Variants in TRIB1 observed in about 807,000 individuals in gnomAD.
The protein encoded by TRIB1 is tribbles pseudokinase 1.
TRIB1 carries 12 observed loss-of-function variants against 27.8 expected under a neutral mutation model. The observed-to-expected ratio is 0.43, with a 90% CI of 0.28 to 0.70. The LOEUF is 0.70. Ranked by LOEUF, TRIB1 falls within the 30% of genes least tolerant of loss-of-function variation. The probability of loss-of-function intolerance (pLI) is 0.18; values close to 1 mark genes in which losing one functional copy is unlikely to be tolerated. For missense variants in TRIB1, 475 were observed against 515.8 expected, an observed-to-expected ratio of 0.92 and a Z score of 0.77; for synonymous variants, 230 against 224.9, an observed-to-expected ratio of 1.02 and a Z score of -0.20.
At chr8:125,435,887 G>A in intron 2 of TRIB1, 119 bp from the exon 3 acceptor site, 1 of 802,730 alleles carries the variant, frequency 1.2e-6, no homozygotes, top group South Asian at 1.8e-5. Context: ...ACTGGACGAA[G>A]GGGTAAATAG....
intron 2 of TRIB1, among the ~76,000 whole-genome samples, chr8:125,434,769 T>C (rs960724383): frequency 6.6e-6 from 1 of 152,140 alleles, no homozygotes; most frequent in African/African-American, 2.4e-5. Flanking sequence ...GTGCAGGGTT[T>C]TAGTGCTGTA....
At chr8:125,434,175 A>G (rs531612789) in intron 2 of TRIB1, among the ~76,000 whole-genome samples, 1 of 152,286 alleles carries the variant, frequency 6.6e-6, no homozygotes, top group African/African-American at 2.4e-5. Context: ...TGAATAGTAA[A>G]TGGAAGTTGG....
chr8:125,433,682 C>CTG lies in TRIB1; in HGVS notation c.653+79_653+80dup. 6.5e-7 allele frequency: 1 copy of CTG among 1,530,404 alleles called. No homozygotes were observed. The highest frequency in any genetic ancestry group is 8.8e-7 in the Non-Finnish European group (1 of 1,131,384). 94.8% of individuals were successfully genotyped at this position (1,530,404 alleles called of 1,614,324 possible). A position where few individuals can be genotyped will look rare whatever the true frequency, so the allele number is the denominator to read the frequency against. ...GAGGTGCAGGTCATGTAGTTAGGTG[C>CTG]TGTGTGTTGGTGCAAAACAAAGTCA... On this transcript the variant is annotated intron_variant, in intron 2 of 2. Coordinates refer to ENST00000311922, the MANE Select transcript of TRIB1 (RefSeq NM_025195.4). The surrounding 1 kb of genome is among the most constrained non-coding windows in gnomAD (Gnocchi z 4.4).
chr8:125,436,529 A>G lies in TRIB1; in HGVS notation c.*58A>G. On this transcript the variant is annotated 3_prime_UTR_variant, in exon 3 of 3. Coordinates refer to ENST00000311922, the MANE Select transcript of TRIB1 (RefSeq NM_025195.4). Reference sequence around the variant, plus strand: ...ACACCTGGCATTTCCATTTCTAAAGATGGACAGGCCCTTTGGCGTGGTACC... The same window carrying G: ...ACACCTGGCATTTCCATTTCTAAAGGTGGACAGGCCCTTTGGCGTGGTACC... The G allele has an allele frequency of 1.3e-6, 2 of 1,549,296 alleles. No individual in the cohort carries two copies. Among genetic ancestry groups the G allele is most frequent in the Middle Eastern group, 1.7e-4 (1 of 5,858 alleles).
chr8:125,432,180 G>T, intron 1 of TRIB1: 6 of 930,920 alleles, frequency 6.4e-6, no homozygotes, highest in Non-Finnish European at 7.7e-6. Flanking sequence ...CCAACACCCC[G>T]ACCCCGTCCC....
Position 125,433,978 on chromosome 8 carries a change from A to T in TRIB1, c.653+369A>T, listed in dbSNP as rs954503284. On this transcript the variant is annotated intron_variant, in intron 2 of 2. Coordinates refer to ENST00000311922, the MANE Select transcript of TRIB1 (RefSeq NM_025195.4). This position sits in a 1 kb window ranked among gnomAD's most constrained non-coding sequence, Gnocchi z 4.4. ...GAAGGAAGTGTTCAAATCTTTGCTT[A>T]TGCCAAGTGCTGTTTTGTACCTGGA... Among the ~76,000 whole-genome samples, 1 of 152,196 alleles carries T rather than the reference A, an allele frequency of 6.6e-6. No homozygotes were observed. Among genetic ancestry groups the T allele is most frequent in the Admixed American group, 6.5e-5 (1 of 15,286 alleles).
intron 2 of TRIB1, 116 bp from the exon 3 acceptor site, chr8:125,435,890 G>T (rs1814739510): frequency 3.6e-6 from 3 of 840,412 alleles, no homozygotes. Flanking sequence ...GGACGAAGGG[G>T]TAAATAGCAT....
intron 1 of TRIB1, 68 bp downstream of exon 1, chr8:125,431,330 T>G: frequency 3.2e-6 from 4 of 1,245,672 alleles, no homozygotes; most frequent in Non-Finnish European, 4.0e-6. Flanking sequence ...GCAAAGGTGC[T>G]TGGGGTCCGG....
chr8:125,433,054 G>A lies in TRIB1; in HGVS notation c.361-263G>A, dbSNP rs1814684417. ...ACAGAAGATGGGAACATGTACAGGA[G>A]ACAGTTCTTTCAAATCATCTGTGTG... On this transcript the variant is annotated intron_variant, in intron 1 of 2. Coordinates refer to ENST00000311922, the MANE Select transcript of TRIB1 (RefSeq NM_025195.4). The surrounding 1 kb of genome is among the most constrained non-coding windows in gnomAD (Gnocchi z 4.4). The A allele has an allele frequency of 2.1e-6, 1 of 466,764 alleles. No homozygotes were observed. Among genetic ancestry groups the A allele is most frequent in the Non-Finnish European group, 3.9e-6 (1 of 257,626 alleles). 28.9% of individuals were successfully genotyped at this position (466,764 alleles called of 1,614,324 possible).
chr8:125,434,570 C>T (rs978346091), intron 2 of TRIB1, among the ~76,000 whole-genome samples: 1 of 152,204 alleles, frequency 6.6e-6, no homozygotes, highest in Non-Finnish European at 1.5e-5. Flanking sequence ...AAACTGTTGG[C>T]AATGAAGAAG....
chr8:125,435,940 T>C, intron 2 of TRIB1, 66 bp from the exon 3 acceptor site: 5 of 1,410,500 alleles, frequency 3.5e-6, no homozygotes, highest in Admixed American at 4.3e-5. Flanking sequence ...GGCGCTGTTA[T>C]TGGGAAGGCT....
Position 125,433,733 on chromosome 8 carries a change from AT to A in TRIB1, c.653+127del. ...AGGGCTCATATGTCCCAGATTTAGT[AT>A]TTAGAGCTTCTGTTCCTGAGGAGTC... On this transcript the variant is annotated intron_variant, in intron 2 of 2. Coordinates refer to ENST00000311922, the MANE Select transcript of TRIB1 (RefSeq NM_025195.4). The surrounding 1 kb of genome is among the most constrained non-coding windows in gnomAD (Gnocchi z 4.4). The A allele has an allele frequency of 8.2e-7, 1 of 1,218,446 alleles. No homozygotes were observed. Among genetic ancestry groups the A allele is most frequent in the South Asian group, 1.5e-5 (1 of 66,056 alleles). The allele number at this position is 1,218,446 out of a possible 1,614,324, so 75.5% of individuals were successfully genotyped here.
At chr8:125,434,635 G>A (rs1418305589) in intron 2 of TRIB1, among the ~76,000 whole-genome samples, 1 of 152,212 alleles carries the variant, frequency 6.6e-6, no homozygotes, top group Non-Finnish European at 1.5e-5. Flanking sequence ...TCTGAAACAT[G>A]CCTTACACAC....
rs1001007333 is a variant in TRIB1 at position 125,437,394 on chromosome 8, A to G, written c.*923A>G. 2.0e-5 allele frequency: 3 copies of G among 152,314 alleles called. No homozygotes were observed. Among genetic ancestry groups the G allele is most frequent in the Non-Finnish European group, 4.4e-5 (3 of 68,022 alleles). 9.4% of individuals were successfully genotyped at this position (152,314 alleles called of 1,614,324 possible). On this transcript the variant is annotated 3_prime_UTR_variant, in exon 3 of 3. Coordinates refer to ENST00000311922, the MANE Select transcript of TRIB1 (RefSeq NM_025195.4). ...AAGGAGGCTCCCACCCACCTCTCCC[A>G]AGAGCAGACATTAAACATCTTTGTG...
Position 125,433,111 on chromosome 8 carries a change from C to CTAGAGCTT in TRIB1, c.361-202_361-195dup. 1.7e-6 allele frequency: 1 copy of CTAGAGCTT among 602,116 alleles called. No individual in the cohort carries two copies. Among genetic ancestry groups the CTAGAGCTT allele is most frequent in the Admixed American group, 2.9e-5 (1 of 35,058 alleles). 37.3% of individuals were successfully genotyped at this position (602,116 alleles called of 1,614,324 possible). A position where few individuals can be genotyped will look rare whatever the true frequency, so the allele number is the denominator to read the frequency against. ...GGTAACCCTTTGGGTATTTGCAAGT[C>CTAGAGCTT]TAGAGCTTTAGGTGTTACTGGTTTT... is the stretch of plus-strand genomic sequence containing the variant. On this transcript the variant is annotated intron_variant, in intron 1 of 2. Transcript: ENST00000311922. This position sits in a 1 kb window ranked among gnomAD's most constrained non-coding sequence, Gnocchi z 4.4.
At position 125,431,491 on chromosome 8, in the gene TRIB1, C is replaced by T. The variant is rs1286510187; in HGVS notation, c.360+229C>T. 5.9e-5 allele frequency among the ~76,000 whole-genome samples: 9 copies of T among 152,382 alleles called. No individual in the cohort carries two copies. The East Asian group carries it at 1.5e-3, about 26-fold the overall frequency. ...GAAGTGCAGTGTTCAGTGGCTTTCT[C>T]TATCTGTTCCTTTCCTCAGCGCCCA... On this transcript the variant is annotated intron_variant, in intron 1 of 2. Transcript: ENST00000311922.
In TRIB1 at chr8:125,433,246, G is replaced by C; in HGVS notation, c.361-71G>C. ...CCCACAGGTTGAGAACTTCTGTTCA[G>C]CTCCCTCAGGGGTTTGGGAGGCTGC... On this transcript the variant is annotated intron_variant, in intron 1 of 2. Coordinates refer to ENST00000311922, the MANE Select transcript of TRIB1 (RefSeq NM_025195.4). This position sits in a 1 kb window ranked among gnomAD's most constrained non-coding sequence, Gnocchi z 4.4. 2 of 1,495,234 alleles carry C rather than the reference G, an allele frequency of 1.3e-6. No homozygotes were observed. The highest frequency in any genetic ancestry group is 3.7e-5 in the Admixed American group (2 of 54,472). 92.6% of individuals were successfully genotyped at this position (1,495,234 alleles called of 1,614,324 possible).
At position 125,430,870 on chromosome 8, in the gene TRIB1, T is replaced by G. The variant is rs1035506872; in HGVS notation, c.-33T>G. The G allele has an allele frequency of 2.2e-6, 3 of 1,379,682 alleles. No individual in the cohort carries two copies. Among genetic ancestry groups the G allele is most frequent in the East Asian group, 6.2e-5 (2 of 32,286 alleles). 85.5% of individuals were successfully genotyped at this position (1,379,682 alleles called of 1,614,324 possible). On this transcript the variant is annotated 5_prime_UTR_variant, in exon 1 of 3. Transcript: ENST00000311922. ...GTCTTCCCGCGCGGATCCCGGGACT[T>G]AAAAAGCCGGGGCCACCCCGGCCCA...
At chr8:125,432,566 G>T (rs1814675604) in intron 1 of TRIB1, among the ~76,000 whole-genome samples, 1 of 152,096 alleles carries the variant, frequency 6.6e-6, no homozygotes, top group African/African-American at 2.4e-5. Flanking sequence ...CCTTTAAAGA[G>T]ACCAGCCAGC....
Sources: gnomAD v4.1 joint callset for allele counts (sites outside exome capture counted in the v4.1 genomes callset) on GRCh38, gnomAD v4.1.1 for gene constraint, Gnocchi (gnomAD v3.1) non-coding constraint, MANE v1.5 for transcripts, NCBI Gene and HGNC (gene_info 2026-07-23, HGNC 2026-07-21) for gene names.